ZFP64: variants seen among roughly 807,000 people sequenced by gnomAD.
ZFP64 encodes ZFP64 zinc finger protein.
ZFP64 carries 14 observed loss-of-function variants against 51.6 expected under a neutral mutation model. That is an observed-to-expected ratio of 0.27 (90% CI 0.18 to 0.42). The LOEUF is 0.42. Ranked by LOEUF, ZFP64 falls within the 10% of genes least tolerant of loss-of-function variation. The pLI, the probability that ZFP64 is intolerant of heterozygous loss-of-function variation, is 1.00. For missense variants in ZFP64, 754 were observed against 906.8 expected, an observed-to-expected ratio of 0.83 and a Z score of 2.16; for synonymous variants, 375 against 361.4, an observed-to-expected ratio of 1.04 and a Z score of -0.43.
downstream of ZFP64, among the ~76,000 whole-genome samples, chr20:52,149,872 C>T (rs1302255899): frequency 1.3e-5 from 2 of 152,064 alleles, no homozygotes; most frequent in Non-Finnish European, 2.9e-5. Flanking sequence ...TAAACTACAA[C>T]TTCATAACTG....
intron 5 of ZFP64, among the ~76,000 whole-genome samples, chr20:52,157,293 T>G (rs1313580204): frequency 1.3e-5 from 2 of 152,200 alleles, no homozygotes; most frequent in Non-Finnish European, 2.9e-5. Flanking sequence ...AGAGGCAAGA[T>G]TCCAAAAGAA....
At position 52,153,045 on chromosome 20, in the gene ZFP64, G is replaced by A; in HGVS notation, c.1147C>T (p.Pro383Ser). 6.2e-7 allele frequency: 1 copy of A among 1,614,100 alleles called. No individual in the cohort carries two copies. The highest frequency in any genetic ancestry group is 8.5e-7 in the Non-Finnish European group (1 of 1,180,052). Reference sequence around the variant, plus strand: ...TTCATGTGCTTGCTCAGGTTGCTGGGCTGTTTGGTGTCGAAGCTGCAGTAG... The same window carrying A: ...TTCATGTGCTTGCTCAGGTTGCTGGACTGTTTGGTGTCGAAGCTGCAGTAG... ...CNYCSFDTKQ[P>S]SNLSKHMKKF... is the part of the protein sequence containing the mutation. Residue 383 changes from proline to serine, a missense_variant, in exon 6 of 6, where the codon CCC becomes TCC. Pro to Ser is a moderately conservative substitution (Grantham distance 74). This residue lies in a region of ZFP64 where 428 missense variants were observed against 472.4 expected (regional missense o/e 0.91). Coordinates refer to ENST00000216923, the MANE Select transcript of ZFP64 (RefSeq NM_018197.3). The surrounding 1 kb of genome is among the most constrained non-coding windows in gnomAD (Gnocchi z 5.1).
At chr20:52,138,620 T>G (rs938644122) in intron 5 of ZFP64, among the ~76,000 whole-genome samples, 2 of 151,418 alleles carry the variant, frequency 1.3e-5, no homozygotes, top group Non-Finnish European at 1.5e-5. Flanking sequence ...CTACAAACTT[T>G]ATATGCATCA....
At chr20:52,100,086 C>T (rs961155897) in intron 5 of ZFP64, among the ~76,000 whole-genome samples, 2 of 152,026 alleles carry the variant, frequency 1.3e-5, no homozygotes, top group African/African-American at 2.4e-5. Flanking sequence ...TTCCGCCTCC[C>T]GGGTTCACGC....
chr20:52,088,159 T>C (rs1368471029), intron 8 of ZFP64: 3 of 614,988 alleles, frequency 4.9e-6, no homozygotes, highest in African/African-American at 3.7e-5. Context: ...GGGTATCTAC[T>C]CCCAGCTGGA....
chr20:52,111,105 C>T (rs778309244), intron 5 of ZFP64: 4 of 904,102 alleles, frequency 4.4e-6, no homozygotes, highest in East Asian at 2.6e-5. Context: ...GGGAGAGAGA[C>T]GCGGAGCGGG....
Position 52,175,407 on chromosome 20 carries a change from G to A in ZFP64, c.287-9382C>T, listed in dbSNP as rs539438841. Among the ~76,000 whole-genome samples, 6 of 152,336 alleles carry A rather than the reference G, an allele frequency of 3.9e-5. No individual in the cohort carries two copies. In the South Asian group the frequency reaches 6.2e-4, roughly 16 times the overall value. The stretch of plus-strand genomic sequence containing the variant: ...CAAAGTGCTGGGAGTCCAGGCAAGC[G>A]CCACCGCGCCCAGCAGGATATTATC... On this transcript the variant is annotated intron_variant, in intron 2 of 5. Coordinates refer to ENST00000216923, the MANE Select transcript of ZFP64 (RefSeq NM_018197.3).
intron 5 of ZFP64, among the ~76,000 whole-genome samples, chr20:52,154,637 C>A (rs1427700977): frequency 6.6e-6 from 1 of 152,092 alleles, no homozygotes; most frequent in Non-Finnish European, 1.5e-5. Context: ...TTCTAGAACA[C>A]TGAGAGGCCT....
chr20:52,084,100 G>A (rs2078838613), exon 9 of ZFP64: 1 of 160,662 alleles, frequency 6.2e-6, no homozygotes, highest in Non-Finnish European at 1.4e-5. Flanking sequence ...CGATCACCCA[G>A]GTTATGAAAT....
At chr20:52,100,339 G>A (rs1277968389) in intron 5 of ZFP64, among the ~76,000 whole-genome samples, 1 of 152,238 alleles carries the variant, frequency 6.6e-6, no homozygotes, top group African/African-American at 2.4e-5. Flanking sequence ...TCTGCCTCCT[G>A]GGTTCAAGCG....
At position 52,085,813 on chromosome 20, in the gene ZFP64, G is replaced by GCAGCAGGGGACAAATAATAAAGAGCC. The variant is rs2078858281; in HGVS notation, c.1229-573_1229-548dup. Among the ~76,000 whole-genome samples the GCAGCAGGGGACAAATAATAAAGAGCC allele has an allele frequency of 6.6e-6, 1 of 152,082 alleles. No homozygotes were observed. Among genetic ancestry groups the GCAGCAGGGGACAAATAATAAAGAGCC allele is most frequent in the South Asian group, 2.1e-4 (1 of 4,826 alleles). On this transcript the variant is annotated intron_variant, in intron 8 of 8. Transcript: ENST00000361387. This position sits in a 1 kb window ranked among gnomAD's most constrained non-coding sequence, Gnocchi z 4.3. ...TTTATAATATTAATGCATAATTATG[G>GCAGCAGGGGACAAATAATAAAGAGCC]CAGCAGGGGACAAATAATAAAGAGC...
At chr20:52,086,199 A>G (rs1020629491) in intron 8 of ZFP64, among the ~76,000 whole-genome samples, 1 of 152,216 alleles carries the variant, frequency 6.6e-6, no homozygotes, top group Admixed American at 6.5e-5. Flanking sequence ...TCAAGTTCAG[A>G]AGCCAACTAT....
intron 2 of ZFP64, among the ~76,000 whole-genome samples, chr20:52,169,881 C>T (rs186317601): frequency 6.6e-6 from 1 of 151,906 alleles, no homozygotes; most frequent in Admixed American, 6.6e-5. Flanking sequence ...TGAAGAAACC[C>T]CATATCGACT....
intron 5 of ZFP64, among the ~76,000 whole-genome samples, chr20:52,124,079 C>T (rs941238743): frequency 2.6e-5 from 4 of 151,766 alleles, no homozygotes; most frequent in African/African-American, 9.7e-5. Flanking sequence ...ACTGTGTTAG[C>T]CAGGATGGTC....
At chr20:52,158,959 T>G (rs1981550606) in intron 5 of ZFP64, among the ~76,000 whole-genome samples, 1 of 152,204 alleles carries the variant, frequency 6.6e-6, no homozygotes, top group African/African-American at 2.4e-5. Flanking sequence ...AAGCCTGGGT[T>G]AGTCCATGGT....
intron 5 of ZFP64, among the ~76,000 whole-genome samples, chr20:52,133,196 G>A (rs1979804677): frequency 1.3e-5 from 2 of 152,032 alleles, no homozygotes; most frequent in South Asian, 4.1e-4. Context: ...GGTGTCAAAG[G>A]AACATACCTC....
rs374242106 is a variant in ZFP64 at position 52,115,903 on chromosome 20, T to G, written c.764-17316A>C. ...AGGCTGGAATGCATTGGTGCGATCT[T>G]GGCTCACGGCAGCCTCCATCTCCCG... On this transcript the variant is annotated intron_variant, in intron 5 of 8. Coordinates refer to the ZFP64 transcript ENST00000361387. 2.0e-3 allele frequency among the ~76,000 whole-genome samples: 307 copies of G among 152,258 alleles called. 2 individuals carry two copies. Among genetic ancestry groups the G allele is most frequent in the African/African-American group, 6.9e-3 (286 of 41,566 alleles).
intron 2 of ZFP64, among the ~76,000 whole-genome samples, chr20:52,185,450 A>G (rs921466045): frequency 3.3e-5 from 5 of 151,604 alleles, no homozygotes; most frequent in Admixed American, 6.6e-5. Context: ...TGCCCTGGTT[A>G]TAAGAATTTA....
chr20:52,097,082 T>C, intron 7 of ZFP64: 1 of 711,632 alleles, frequency 1.4e-6, no homozygotes, highest in Non-Finnish European at 2.7e-6. Flanking sequence ...CTTCAGCAGG[T>C]CTTATTTCTC....
Sources: gnomAD v4.1 joint callset for allele counts (sites outside exome capture counted in the v4.1 genomes callset) on GRCh38, gnomAD v4.1.1 for gene constraint, gnomAD v4.1.1 regional missense constraint, Gnocchi (gnomAD v3.1) non-coding constraint, MANE v1.5 for transcripts, NCBI Gene and HGNC (gene_info 2026-07-23, HGNC 2026-07-21) for gene names.